The following GALNT13 variants were observed in gnomAD, a reference collection of about 807,000 sequenced individuals.
GALNT13 encodes UDP-GalNAc:polypeptide N-acetylgalactosaminyltransferase 13.
In GALNT13, 28 loss-of-function variants were observed where a neutral mutation model predicts 64.2. The observed-to-expected ratio is 0.44, with a 90% confidence interval of 0.32 to 0.60. The LOEUF is 0.60. Ranked by LOEUF, GALNT13 falls within the 20% of genes least tolerant of loss-of-function variation. The pLI, the probability that GALNT13 is intolerant of heterozygous loss-of-function variation, is 0.05. For synonymous variants in GALNT13, 214 were observed against 224.6 expected (o/e 0.95, Z 0.42); for missense variants, 577 against 669.8 (o/e 0.86, Z 1.53).
the GALNT13 span, among the ~76,000 whole-genome samples, chr2:153,840,396 A>T: frequency 6.6e-6 from 1 of 152,248 alleles, no homozygotes; most frequent in Admixed American, 6.5e-5. Flanking sequence ...ATACTTGAGA[A>T]TCAGGTCATT....
At chr2:153,479,377 G>C in the GALNT13 span, among the ~76,000 whole-genome samples, 1 of 150,308 alleles carries the variant, frequency 6.7e-6, no homozygotes, top group Non-Finnish European at 1.5e-5. Flanking sequence ...AAGAAAAAAG[G>C]AAGGGAGGGA....
chr2:153,652,107 G>A, the GALNT13 span, among the ~76,000 whole-genome samples: 5 of 151,964 alleles, frequency 3.3e-5, no homozygotes, highest in Admixed American at 3.3e-4. Flanking sequence ...TCCACTCTAA[G>A]CTACATATAA....
At chr2:154,054,969 CT>C (rs144309960) in intron 3 of GALNT13, among the ~76,000 whole-genome samples, 7,093 of 150,522 alleles carry the variant, frequency 0.047, 216 homozygotes, top group South Asian at 0.11. Context: ...AGATATGGGA[CT>C]TTTTTTTTAG....
chr2:154,201,958 T>C (rs1425809258), intron 4 of GALNT13, among the ~76,000 whole-genome samples: 1 of 152,132 alleles, frequency 6.6e-6, no homozygotes, highest in Non-Finnish European at 1.5e-5. Flanking sequence ...ATTATTGCTG[T>C]TTACAATTTG....
At chr2:153,576,141 G>C in the GALNT13 span, among the ~76,000 whole-genome samples, 6,316 of 151,340 alleles carry the variant, frequency 0.042, 186 homozygotes, top group South Asian at 0.14. Context: ...GCAAGATAAT[G>C]CCCTCCCCAC....
chr2:153,254,836 G>A, the GALNT13 span, among the ~76,000 whole-genome samples: 1 of 152,174 alleles, frequency 6.6e-6, no homozygotes, highest in Non-Finnish European at 1.5e-5. Context: ...CTGAGAGACA[G>A]TTTGTTATAA....
chr2:154,388,120 C>T (rs773439656), intron 9 of GALNT13, among the ~76,000 whole-genome samples: 35 of 152,212 alleles, frequency 2.3e-4, no homozygotes, highest in Non-Finnish European at 3.8e-4. Flanking sequence ...CTAACAGGTG[C>T]GAGACGATAC....
the GALNT13 span, among the ~76,000 whole-genome samples, chr2:153,131,756 T>G: frequency 6.6e-6 from 1 of 152,050 alleles, no homozygotes; most frequent in African/African-American, 2.4e-5. Context: ...ACTTTAAGCC[T>G]GATTACTCAT....
chr2:154,402,259 A>G (rs374036069), intron 10 of GALNT13, among the ~76,000 whole-genome samples: 3 of 152,292 alleles, frequency 2.0e-5, no homozygotes, highest in South Asian at 2.1e-4. Flanking sequence ...TGGGCAGTAT[A>G]TATCTCTCTC....
the GALNT13 span, among the ~76,000 whole-genome samples, chr2:153,829,480 A>T: frequency 3.9e-5 from 6 of 152,070 alleles, no homozygotes; most frequent in Non-Finnish European, 7.4e-5. Context: ...ATCAGATCTC[A>T]TGAGACTTAT....
chr2:153,436,749 A>G, the GALNT13 span, among the ~76,000 whole-genome samples: 5 of 151,982 alleles, frequency 3.3e-5, no homozygotes, highest in African/African-American at 1.2e-4. Context: ...ACAGTCTATC[A>G]ATTTTGTTGA....
chr2:153,797,634 G>A, the GALNT13 span, among the ~76,000 whole-genome samples: 6 of 152,280 alleles, frequency 3.9e-5, no homozygotes, highest in South Asian at 2.1e-4. Context: ...TTTTGGTAAC[G>A]GGAAGTGTGT....
the GALNT13 span, among the ~76,000 whole-genome samples, chr2:153,858,283 T>A: frequency 5.3e-4 from 80 of 152,220 alleles, no homozygotes; most frequent in Non-Finnish European, 8.8e-4. Context: ...GAGGCCAGTG[T>A]GATTGAAGCA....
chr2:154,320,936 A>T (rs1291529234), intron 9 of GALNT13, among the ~76,000 whole-genome samples: 1 of 152,166 alleles, frequency 6.6e-6, no homozygotes. Flanking sequence ...TTCCAATAAG[A>T]ATTACTTGAT....
chr2:153,612,939 T>A, the GALNT13 span, among the ~76,000 whole-genome samples: 1 of 152,128 alleles, frequency 6.6e-6, no homozygotes, highest in South Asian at 2.1e-4. Flanking sequence ...TTTATTACCA[T>A]AAAAGCAAAA....
At chr2:153,603,090 T>C in the GALNT13 span, among the ~76,000 whole-genome samples, 1 of 151,904 alleles carries the variant, frequency 6.6e-6, no homozygotes, top group Admixed American at 6.6e-5. Context: ...CAAGGATATA[T>C]AGCTGCTTAC....
chr2:153,274,955 C>A, the GALNT13 span, among the ~76,000 whole-genome samples: 1 of 152,134 alleles, frequency 6.6e-6, no homozygotes, highest in African/African-American at 2.4e-5. Flanking sequence ...GCATATTATG[C>A]TCTTCTTTCT....
At chr2:154,048,413 A>C (rs1209146900) in intron 3 of GALNT13, among the ~76,000 whole-genome samples, 1 of 152,172 alleles carries the variant, frequency 6.6e-6, no homozygotes, top group Non-Finnish European at 1.5e-5. Context: ...TCCCTAAAAA[A>C]CTTTGATTAA....
the GALNT13 span, among the ~76,000 whole-genome samples, chr2:153,301,256 G>C: frequency 2.3e-5 from 3 of 128,540 alleles, no homozygotes; most frequent in African/African-American, 9.7e-5. Flanking sequence ...GTTACAGTGA[G>C]CTGAGATCAC....
Sources: allele counts gnomAD v4.1 joint callset (sites outside exome capture counted in the v4.1 genomes callset), GRCh38; gene constraint gnomAD v4.1.1; transcripts MANE v1.5; gene names NCBI Gene and HGNC (gene_info 2026-07-23, HGNC 2026-07-21).